The following MYO15B variants were observed in gnomAD, a reference collection of about 807,000 sequenced individuals.
The protein encoded by MYO15B is myosin XVB.
Under a neutral mutation model 119.3 loss-of-function variants are expected in MYO15B, and 207 were observed. The ratio of observed to expected loss-of-function variants is 1.73; its 90% CI spans 1.55 to 1.95. The LOEUF (loss-of-function observed/expected upper bound fraction) is 1.95, where lower values mean the gene tolerates loss of function less well. Ranked by LOEUF, MYO15B falls within the 30% of genes most tolerant of loss-of-function variation. The probability of loss-of-function intolerance (pLI) is 0.00; values close to 1 mark genes in which losing one functional copy is unlikely to be tolerated. For missense variants in MYO15B, 2,264 were observed against 1,203.1 expected (o/e 1.88, Z -13.04); for synonymous variants, 966 against 498.9 (o/e 1.94, Z -12.48).
At chr17:75,588,340 G>A in exon 1 of MYO15B, 1 of 398,512 alleles carries the variant, frequency 2.5e-6, no homozygotes, top group Non-Finnish European at 4.4e-6. Context: ...GCAAAGCAAC[G>A]CGCAGCGTCA....
At chr17:75,600,904 ATTTTTTT>A (rs540929270) in intron 14 of MYO15B, among the ~76,000 whole-genome samples, 2 of 113,582 alleles carry the variant, frequency 1.8e-5, no homozygotes. Context: ...CTAATTTTTA[ATTTTTTT>A]TTTTTTTTTT....
At chr17:75,592,038 A>G (rs1446971093) in exon 6 of MYO15B, 8 of 702,696 alleles carry the variant, frequency 1.1e-5, no homozygotes, top group Admixed American at 2.0e-5. Context: ...CTCAATGCCA[A>G]TGCCAGCCGC....
At chr17:75,617,505 G>A (rs1435254646) in intron 41 of MYO15B, 2 of 553,992 alleles carry the variant, frequency 3.6e-6, no homozygotes, top group African/African-American at 3.8e-5. Context: ...CATCTTTGGG[G>A]CTGTCATCGA....
intron 5 of MYO15B, 112 bp from the exon 6 acceptor site, chr17:75,591,865 G>A (rs1469498650): frequency 9.0e-6 from 6 of 667,336 alleles, no homozygotes; most frequent in Non-Finnish European, 1.6e-5. Context: ...TCAGCTGCAG[G>A]CACTGCCCTT....
At chr17:75,615,994 G>T (rs2058349173) in intron 36 of MYO15B, 75 bp from the exon 37 acceptor site, 1 of 594,216 alleles carries the variant, frequency 1.7e-6, no homozygotes, top group Non-Finnish European at 3.0e-6. Flanking sequence ...GCTGGCCCAG[G>T]ACTGGGGACC....
chr17:75,626,529 C>T, exon 64 of MYO15B: 1 of 702,650 alleles, frequency 1.4e-6, no homozygotes, highest in Non-Finnish European at 2.6e-6. Flanking sequence ...CCTCCCCCGG[C>T]CCAAGTCTCA....
In MYO15B at chr17:75,611,790, C is replaced by T. The variant is rs140337918; in HGVS notation, c.4505-96C>T. The stretch of plus-strand genomic sequence containing the variant: ...AGCTCATCACTTGGGTCCCTGTGGA[C>T]AGGGGCTGATGGCTCGTGGTGAGGG... On this transcript the variant is annotated intron_variant, in intron 24 of 63. Coordinates refer to ENST00000645453, the Ensembl canonical transcript of MYO15B. 276 of 692,714 alleles carry T rather than the reference C, an allele frequency of 4.0e-4. 2 individuals carry two copies. The African/African-American group carries it at 4.4e-3, about 11-fold the overall frequency. The allele number at this position is 692,714 out of a possible 1,614,324, so 42.9% of individuals were successfully genotyped here.
intron 53 of MYO15B, among the ~76,000 whole-genome samples, chr17:75,622,548 T>C (rs1349192359): frequency 1.3e-5 from 2 of 152,198 alleles, no homozygotes; most frequent in African/African-American, 2.4e-5. Context: ...GTAGCCATCA[T>C]TGGCCTCTGA....
chr17:75,606,191 G>T, intron 21 of MYO15B, 170 bp downstream of exon 21: 1 of 516,876 alleles, frequency 1.9e-6, no homozygotes, highest in Middle Eastern at 5.0e-4. Flanking sequence ...CCCCATACCC[G>T]TGCAGCCTCT....
At chr17:75,617,467 C>T (rs771396984) in intron 41 of MYO15B, 163 bp downstream of exon 41, 19 of 551,858 alleles carry the variant, frequency 3.4e-5, no homozygotes, top group Admixed American at 7.2e-5. Flanking sequence ...TCCCAGCTTC[C>T]GCGTTCCCAC....
chr17:75,614,753 A>G lies in MYO15B; in HGVS notation c.5483-20A>G. The G allele has an allele frequency of 1.4e-6, 1 of 702,476 alleles. No individual in the cohort carries two copies. Among genetic ancestry groups the G allele is most frequent in the South Asian group, 1.5e-5 (1 of 67,598 alleles). 43.5% of individuals were successfully genotyped at this position (702,476 alleles called of 1,614,324 possible). A position where few individuals can be genotyped will look rare whatever the true frequency, so the allele number is the denominator to read the frequency against. On this transcript the variant is annotated intron_variant, in intron 31 of 63. Coordinates refer to ENST00000645453, the Ensembl canonical transcript of MYO15B. Reference sequence around the variant, plus strand: ...CCCCACGCCCCGGGCCATGGCTCCAACCCTCTCCCTGCCCCACAGGGGAGG... The same window carrying G: ...CCCCACGCCCCGGGCCATGGCTCCAGCCCTCTCCCTGCCCCACAGGGGAGG...
exon 38 of MYO15B, chr17:75,616,336 C>T (rs375540119): frequency 6.1e-5 from 37 of 609,206 alleles, no homozygotes; most frequent in African/African-American, 1.1e-4. Context: ...ACAGTGAGGA[C>T]GATGAAGCCC....
At chr17:75,603,963 C>T (rs1422654971) in intron 19 of MYO15B, among the ~76,000 whole-genome samples, 2 of 152,122 alleles carry the variant, frequency 1.3e-5, no homozygotes, top group Non-Finnish European at 2.9e-5. Context: ...CTGAGCTGGG[C>T]TGGTGGCTGC....
exon 33 of MYO15B, chr17:75,615,019 C>T (rs957269108): frequency 7.1e-6 from 5 of 702,948 alleles, no homozygotes; most frequent in Middle Eastern, 4.6e-4. Flanking sequence ...GCCATTGGGC[C>T]CACACAGCAG....
chr17:75,612,277 C>T (rs748948558), intron 25 of MYO15B, among the ~76,000 whole-genome samples: 15 of 152,200 alleles, frequency 9.9e-5, no homozygotes, highest in Non-Finnish European at 1.8e-4. Flanking sequence ...CTTTGTTGTA[C>T]CTGCGGTAGT....
intron 28 of MYO15B, 110 bp downstream of exon 28, chr17:75,613,581 C>A: frequency 1.5e-6 from 1 of 649,086 alleles, no homozygotes; most frequent in South Asian, 1.7e-5. Context: ...GCCCTGTCCT[C>A]AGTGACCCTG....
chr17:75,625,608 G>A lies in MYO15B; in HGVS notation c.8886G>A (p.Glu2962=), dbSNP rs952050357. ...CCATCAAGAACCTGATGGGTCAGGA[G>A]CTGAGACGGCTGGAAGGACACAGCC... is the stretch of plus-strand genomic sequence containing the variant. Residue 2962 remains glutamate (E), a synonymous_variant, in exon 61 of 64, where the codon GAG becomes GAA. Transcript: ENST00000645453. The A allele has an allele frequency of 7.1e-6, 5 of 703,078 alleles. No homozygotes were observed. The Admixed American group carries it at 1.0e-4, about 14-fold the overall frequency. The allele number at this position is 703,078 out of a possible 1,614,324, so 43.6% of individuals were successfully genotyped here.
At chr17:75,620,728 G>T in intron 49 of MYO15B, 92 bp downstream of exon 49, 1 of 693,192 alleles carries the variant, frequency 1.4e-6, no homozygotes, top group South Asian at 1.5e-5. Context: ...CTGCCATGCG[G>T]TGGGACCACC....
intron 19 of MYO15B, 52 bp from the exon 20 acceptor site, chr17:75,605,452 A>AAC: frequency 1.5e-6 from 1 of 652,926 alleles, no homozygotes; most frequent in South Asian, 1.7e-5. Context: ...AAAAAAAAAA[A>AAC]GTGTAAAAGG....
Sources: allele counts gnomAD v4.1 joint callset (sites outside exome capture counted in the v4.1 genomes callset), GRCh38; gene constraint gnomAD v4.1.1; transcripts MANE v1.5; gene names NCBI Gene and HGNC (gene_info 2026-07-23, HGNC 2026-07-21).